The following FBN1 variants were observed in gnomAD, a reference collection of about 807,000 sequenced individuals.
FBN1 encodes the protein fibrillin-1.
Under a neutral mutation model 365.1 loss-of-function variants are expected in FBN1, and 29 were observed. That is an observed-to-expected ratio of 0.08 (90% CI 0.06 to 0.11). FBN1 has a LOEUF of 0.11. Ranked by LOEUF, FBN1 falls within the 10% of genes least tolerant of loss-of-function variation. FBN1 has a pLI of 1.00. For missense variants in FBN1, 2,476 were observed against 3,703.2 expected (o/e 0.67, Z 8.60); for synonymous variants, 1,210 against 1,270.5 (o/e 0.95, Z 1.01).
chr15:48,417,938 C>T (rs1378352479), intron 63 of FBN1, among the ~76,000 whole-genome samples: 1 of 152,216 alleles, frequency 6.6e-6, no homozygotes, highest in Non-Finnish European at 1.5e-5. Context: ...CTGTCCCTCA[C>T]TTTTGGTTGG....
In FBN1 at chr15:48,420,745, G is replaced by A; in HGVS notation, c.7761C>T (p.Gly2587=). ...CQHGCQNIIG[G]YRCSCPQGYL... The stretch of plus-strand genomic sequence containing the variant: ...AGCCCTGGGGGCAGCTGCACCTGTA[G>A]CCCCCAATGATGTTCTGGCAGCCAT... The change falls in exon 63 of 66, where the codon GGC becomes GGT. Residue 2587 remains glycine, a synonymous_variant. Coordinates refer to ENST00000316623, the MANE Select transcript of FBN1 (RefSeq NM_000138.5). The A allele has an allele frequency of 6.2e-7, 1 of 1,614,084 alleles. No homozygotes were observed. Among genetic ancestry groups the A allele is most frequent in the Non-Finnish European group, 8.5e-7 (1 of 1,179,982 alleles).
At chr15:48,424,971 G>A (rs1555394373) in intron 60 of FBN1, among the ~76,000 whole-genome samples, 1 of 152,158 alleles carries the variant, frequency 6.6e-6, no homozygotes, top group Non-Finnish European at 1.5e-5. Context: ...TACGATCATG[G>A]CACTGATTAT....
Position 48,485,360 on chromosome 15 carries a change from T to C in FBN1, c.3712+14A>G. On this transcript the variant is annotated intron_variant, in intron 30 of 65. Transcript: ENST00000316623. ...CCTACTGAGAGATTCAACATGAGGC[T>C]AGAACCTACTCACCGGTGCATGATC... 6.2e-7 allele frequency: 1 copy of C among 1,614,172 alleles called. No individual in the cohort carries two copies. The highest frequency in any genetic ancestry group is 8.5e-7 in the Non-Finnish European group (1 of 1,180,018).
intron 2 of FBN1, among the ~76,000 whole-genome samples, chr15:48,632,041 A>C (rs1597644776): frequency 6.6e-6 from 1 of 152,360 alleles, no homozygotes; most frequent in South Asian, 2.1e-4. Context: ...GAGGGGGTGC[A>C]TATTAATAAG....
rs757264206 is a variant in FBN1 at position 48,537,624 on chromosome 15, C to G, written c.723G>C (p.Thr241=). The G allele has an allele frequency of 6.2e-7, 1 of 1,614,188 alleles. No homozygotes were observed. Among genetic ancestry groups the G allele is most frequent in the South Asian group, 1.1e-5 (1 of 91,078 alleles). ...GCCCGGGTTTACCTTGACAAGCTCCCGTGCGGATATTTGGAATGAAGCCAC... is the reference window on the plus strand; with the variant it reads ...GCCCGGGTTTACCTTGACAAGCTCCGGTGCGGATATTTGGAATGAAGCCAC... The part of the protein sequence containing the change: ...CRRGFIPNIR[T]GACQDVDECQ... Residue 241 remains threonine (T), a synonymous_variant, in exon 7 of 66, where the codon ACG becomes ACC. Coordinates refer to ENST00000316623, the MANE Select transcript of FBN1 (RefSeq NM_000138.5).
At position 48,585,446 on chromosome 15, in the gene FBN1, A is replaced by ATT. The variant is rs560245716; in HGVS notation, c.538+10836_538+10837insAA. Among the ~76,000 whole-genome samples the ATT allele has an allele frequency of 2.5e-3, 387 of 152,334 alleles. 1 individual carries two copies. The highest frequency in any genetic ancestry group is 6.2e-3 in the Admixed American group (95 of 15,306). On this transcript the variant is annotated intron_variant, in intron 6 of 65. Coordinates refer to ENST00000316623, the MANE Select transcript of FBN1 (RefSeq NM_000138.5). ...TCACTTCCTACAATATTTCAGTTATAAATAACTACACTAATATTTCCATAT... is the reference window on the plus strand; with the variant it reads ...TCACTTCCTACAATATTTCAGTTATATTAATAACTACACTAATATTTCCATAT...
intron 50 of FBN1, among the ~76,000 whole-genome samples, chr15:48,439,397 C>T (rs1251754752): frequency 1.3e-5 from 2 of 152,222 alleles, no homozygotes; most frequent in Non-Finnish European, 2.9e-5. Flanking sequence ...GGCATCTCTG[C>T]CACCCAAATG....
At chr15:48,599,019 C>T (rs2044537799) in intron 5 of FBN1, among the ~76,000 whole-genome samples, 4 of 152,208 alleles carry the variant, frequency 2.6e-5, no homozygotes, top group Non-Finnish European at 5.9e-5. Context: ...CTTGTTGCTC[C>T]CTGCCTTCCA....
chr15:48,470,293 G>A (rs947363191), intron 36 of FBN1, among the ~76,000 whole-genome samples: 1 of 152,022 alleles, frequency 6.6e-6, no homozygotes, highest in African/African-American at 2.4e-5. Flanking sequence ...CCATGATCCC[G>A]GGGCATGGCC....
At chr15:48,596,465 T>C in intron 5 of FBN1, 87 bp from the exon 6 acceptor site, 3 of 1,233,140 alleles carry the variant, frequency 2.4e-6, no homozygotes, top group Non-Finnish European at 3.6e-6. Flanking sequence ...AGGACAACAA[T>C]AAAATGTCTA....
chr15:48,439,787 C>T (rs2043098927), intron 50 of FBN1, among the ~76,000 whole-genome samples: 2 of 152,154 alleles, frequency 1.3e-5, no homozygotes, highest in African/African-American at 4.8e-5. Context: ...GACAGAGACT[C>T]AAATGCACGA....
At chr15:48,638,342 AG>A (rs1266135166) in intron 2 of FBN1, among the ~76,000 whole-genome samples, 1 of 152,218 alleles carries the variant, frequency 6.6e-6, no homozygotes, top group African/African-American at 2.4e-5. Flanking sequence ...TGGGAAACGA[AG>A]GTATAAAAGG....
At chr15:48,555,479 G>T (rs934952848) in intron 6 of FBN1, among the ~76,000 whole-genome samples, 2 of 152,102 alleles carry the variant, frequency 1.3e-5, no homozygotes, top group Admixed American at 6.5e-5. Context: ...ACTGCATTTT[G>T]GGAAAAGCCT....
chr15:48,429,134 CT>C (rs1313374642), intron 56 of FBN1, among the ~76,000 whole-genome samples: 1 of 152,086 alleles, frequency 6.6e-6, no homozygotes, highest in Non-Finnish European at 1.5e-5. Context: ...AAATTTAAAT[CT>C]TTTCATATTA....
chr15:48,559,650 A>T (rs2044209101), intron 6 of FBN1, among the ~76,000 whole-genome samples: 1 of 152,188 alleles, frequency 6.6e-6, no homozygotes, highest in Non-Finnish European at 1.5e-5. Context: ...GTAAATGCTA[A>T]GGCTTGTTAA....
intron 44 of FBN1, among the ~76,000 whole-genome samples, chr15:48,453,478 T>C (rs1226476133): frequency 6.6e-6 from 1 of 151,838 alleles, no homozygotes; most frequent in African/African-American, 2.4e-5. Flanking sequence ...AAATCAGTGG[T>C]TGCCAGGGGT....
rs137854466 is a variant in FBN1, at chr15:48,411,280, G to C, written c.8326C>G (p.Arg2776Gly). ...AGAGCTGGAAGGAGTTCTAGGATTC[G>C]AACCTTGTTACTGACGTGGGAAATA... ...FNISHVSNKV[R>G]ILELLPALTT... The change falls in exon 66 of 66, where the codon CGA becomes GGA. Residue 2776 changes from arginine (R) to glycine (G), a missense_variant. By Grantham distance (125) the Arg-to-Gly change is moderately radical. Transcript: ENST00000316623. 3 of 1,613,974 alleles carry C rather than the reference G, an allele frequency of 1.9e-6. No individual in the cohort carries two copies. Among genetic ancestry groups the C allele is most frequent in the Non-Finnish European group, 2.5e-6 (3 of 1,179,960 alleles).
chr15:48,437,470 G>A, intron 51 of FBN1, 83 bp from the exon 52 acceptor site: 2 of 1,205,126 alleles, frequency 1.7e-6, no homozygotes, highest in Non-Finnish European at 2.5e-6. Context: ...GTAGAAAATT[G>A]CTACATGCTG....
rs780206348 is a variant in FBN1, at chr15:48,421,577, C to A, written c.7680G>T (p.Gln2560His). 9 of 1,613,186 alleles carry A rather than the reference C, an allele frequency of 5.6e-6. No individual in the cohort carries two copies. Among genetic ancestry groups the A allele is most frequent in the Non-Finnish European group, 7.6e-6 (9 of 1,179,866 alleles). The change falls in exon 62 of 66, where the codon CAG becomes CAT. Residue 2560 changes from glutamine to histidine, a missense_variant. Coordinates refer to ENST00000316623, the MANE Select transcript of FBN1 (RefSeq NM_000138.5). The part of the protein sequence containing the change: ...CECQRGFSLD[Q>H]TGSSCEDVDE... The stretch of plus-strand genomic sequence containing the variant: ...ACCCACCTTCACAGCTGGAGCCGGT[C>A]TGATCAAGTGAGAATCCCCGCTGGC...
Sources: gnomAD v4.1 joint callset for allele counts (sites outside exome capture counted in the v4.1 genomes callset) on GRCh38, gnomAD v4.1.1 for gene constraint, MANE v1.5 for transcripts, NCBI Gene and HGNC (gene_info 2026-07-23, HGNC 2026-07-21) for gene names.